The following NRP2 variants were observed in gnomAD, a reference collection of about 807,000 sequenced individuals.
The protein encoded by NRP2 is neuropilin-2.
NRP2 carries 52 observed loss-of-function variants against 110.4 expected under a neutral mutation model. That is an observed-to-expected ratio of 0.47 (90% CI 0.38 to 0.59). NRP2 has a LOEUF of 0.59. Among genes scored for constraint, NRP2 ranks in the 20% least tolerant of loss-of-function variants. NRP2 has a pLI of 0.00. For missense variants in NRP2, 1,049 were observed against 1,203.0 expected, an observed-to-expected ratio of 0.87 and a Z score of 1.89; for synonymous variants, 508 against 468.9, an observed-to-expected ratio of 1.08 and a Z score of -1.08.
chr2:205,697,523 G>A (rs774613755), intron 1 of NRP2, 21 bp from the exon 2 acceptor site: 1 of 1,609,108 alleles, frequency 6.2e-7, no homozygotes, highest in Non-Finnish European at 8.5e-7. Flanking sequence ...AAGTTCTTTG[G>A]GTCGTTGATT....
At chr2:205,683,452 C>G in intron 1 of NRP2, 89 bp downstream of exon 1, 1 of 872,764 alleles carries the variant, frequency 1.1e-6, no homozygotes, top group African/African-American at 1.7e-5. Context: ...CAGAACGGCA[C>G]AGAAGAAGGC....
chr2:205,791,231 G>C (rs2058298518), intron 15 of NRP2, among the ~76,000 whole-genome samples: 1 of 152,108 alleles, frequency 6.6e-6, no homozygotes, highest in Non-Finnish European at 1.5e-5. Context: ...TTTAAGCCTT[G>C]ATTTTTGGAT....
At position 205,763,856 on chromosome 2, in the gene NRP2, C is replaced by T; in HGVS notation, c.2227C>T (p.Leu743=). The part of the protein sequence containing the change: ...VREASQESKL[L]WVIREDQGGE... ...GGAAGCCAGCCAGGAGAGCAAGTTG[C>T]TGTGGGTCATCCGTGAGGACCAGGG... The change falls in exon 13 of 17, where the codon CTG becomes TTG. Residue 743 remains leucine (L), a synonymous_variant. Transcript: ENST00000357785. The surrounding 1 kb of genome is among the most constrained non-coding windows in gnomAD (Gnocchi z 4.0). 1 of 1,614,146 alleles carries T rather than the reference C, an allele frequency of 6.2e-7. No individual in the cohort carries two copies. Among genetic ancestry groups the T allele is most frequent in the Non-Finnish European group, 8.5e-7 (1 of 1,180,016 alleles).
chr2:205,684,737 G>T (rs1218731576), intron 1 of NRP2, among the ~76,000 whole-genome samples: 1 of 152,228 alleles, frequency 6.6e-6, no homozygotes, highest in Non-Finnish European at 1.5e-5. Context: ...CCCACTTGGG[G>T]AGATTTTCTG....
At chr2:205,731,395 T>C (rs3771031) in intron 7 of NRP2, among the ~76,000 whole-genome samples, 47,857 of 152,102 alleles carry the variant, frequency 0.31, 8,243 homozygotes, top group Middle Eastern at 0.44. Flanking sequence ...TGTACATACA[T>C]ACCAAGAAGG....
chr2:205,779,652 G>A (rs986474311), intron 15 of NRP2: 9 of 152,308 alleles, frequency 5.9e-5, no homozygotes, highest in Middle Eastern at 3.4e-3. Context: ...ACTTGTGGAC[G>A]TTGGAAATTA....
chr2:205,689,820 G>GAATA (rs1559303798), intron 1 of NRP2, among the ~76,000 whole-genome samples: 1 of 152,022 alleles, frequency 6.6e-6, no homozygotes, highest in Non-Finnish European at 1.5e-5. Flanking sequence ...TCTCCCGAAT[G>GAATA]TGTAATAACT....
chr2:205,688,205 G>A (rs915693154), intron 1 of NRP2, among the ~76,000 whole-genome samples: 2 of 152,182 alleles, frequency 1.3e-5, no homozygotes, highest in African/African-American at 2.4e-5. Context: ...TGTCATCTGG[G>A]CAATGGCTTG....
chr2:205,697,616 AC>A lies in NRP2; in HGVS notation c.150del (p.Ser51ProfsTer142), dbSNP rs756557150. The A allele has an allele frequency of 1.2e-6, 2 of 1,613,518 alleles. No homozygotes were observed. The highest frequency in any genetic ancestry group is 1.7e-6 in the Non-Finnish European group (2 of 1,179,834). On this transcript the variant is annotated frameshift_variant, in exon 2 of 17. Coordinates refer to ENST00000357785, the MANE Select transcript of NRP2 (RefSeq NM_003872.3). LOFTEE classifies it high-confidence loss of function. ...YITSPGYPQD[Y>X]PSHQNCEWIV... Reference sequence around the variant, plus strand: ...ACCTCTCCCGGTTACCCCCAGGACTACCCCTCCCACCAGAACTGCGAGTGGA... The same window carrying A: ...ACCTCTCCCGGTTACCCCCAGGACTACCCTCCCACCAGAACTGCGAGTGGA...
In NRP2 at chr2:205,727,957, C is replaced by T. The variant is rs1049527642; in HGVS notation, c.1057C>T (p.Gln353Ter). The change falls in exon 7 of 17, where the codon CAG becomes TAG. Residue 353 changes from glutamine to a stop codon, truncating the protein, a stop_gained. Coordinates refer to ENST00000357785, the MANE Select transcript of NRP2 (RefSeq NM_003872.3). LOFTEE classifies it high-confidence loss of function. The part of the protein sequence containing the change: ...ATQGAISRET[Q>*]NGYYVKSYKL... ...ACAGGGAGCGATTTCCAGGGAAACACAGAATGGCTACTATGTCAAATCCTA... is the reference window on the plus strand; with the variant it reads ...ACAGGGAGCGATTTCCAGGGAAACATAGAATGGCTACTATGTCAAATCCTA... 2 of 1,614,052 alleles carry T rather than the reference C, an allele frequency of 1.2e-6. No homozygotes were observed. Among genetic ancestry groups the T allele is most frequent in the Non-Finnish European group, 1.7e-6 (2 of 1,180,038 alleles).
intron 15 of NRP2, chr2:205,778,729 A>G (rs957538893): frequency 6.6e-6 from 1 of 152,202 alleles, no homozygotes; most frequent in African/African-American, 2.4e-5. Flanking sequence ...CCCCTTCTGT[A>G]ACAGAAGGTG....
chr2:205,701,814 CT>C (rs1371736295), intron 2 of NRP2, among the ~76,000 whole-genome samples: 1 of 152,076 alleles, frequency 6.6e-6, no homozygotes. Context: ...TCCAAGAGTT[CT>C]TTTTTAAAGG....
chr2:205,697,806 C>A (rs1396935334), intron 2 of NRP2, 85 bp downstream of exon 2: 9 of 1,333,774 alleles, frequency 6.7e-6, no homozygotes, highest in Non-Finnish European at 9.7e-6. Flanking sequence ...ACTTCTATCA[C>A]CCCTCACCCC....
At chr2:205,760,447 C>A (rs1417871741) in intron 12 of NRP2, among the ~76,000 whole-genome samples, 1 of 152,146 alleles carries the variant, frequency 6.6e-6, no homozygotes, top group African/African-American at 2.4e-5. Context: ...GAGGCCTGCT[C>A]GTCTGGAGAT....
chr2:205,737,405 C>T (rs893944919), intron 7 of NRP2, among the ~76,000 whole-genome samples: 4 of 152,228 alleles, frequency 2.6e-5, no homozygotes, highest in African/African-American at 9.6e-5. Context: ...ACAATCCCCT[C>T]ATTTAACAGA....
chr2:205,733,796 G>A (rs1050637875), intron 7 of NRP2, among the ~76,000 whole-genome samples: 2 of 151,358 alleles, frequency 1.3e-5, no homozygotes, highest in Admixed American at 6.6e-5. Flanking sequence ...CTCTTCTCCA[G>A]CCCCACCCCT....
chr2:205,733,297 C>A (rs576267870), intron 7 of NRP2, among the ~76,000 whole-genome samples: 2 of 152,248 alleles, frequency 1.3e-5, no homozygotes, highest in African/African-American at 2.4e-5. Flanking sequence ...GCCTCCCTGG[C>A]GCTGATAGCC....
At chr2:205,723,995 T>A in intron 5 of NRP2, 55 bp downstream of exon 5, 1 of 1,599,628 alleles carries the variant, frequency 6.3e-7, no homozygotes. Flanking sequence ...GCTGTGAGGG[T>A]GTACAGGTGA....
intron 15 of NRP2, among the ~76,000 whole-genome samples, chr2:205,771,480 C>T (rs2058022834): frequency 1.3e-5 from 2 of 152,208 alleles, no homozygotes; most frequent in Non-Finnish European, 2.9e-5. Flanking sequence ...AGTCCTAAAA[C>T]AATTCTGACA....
Sources: allele counts gnomAD v4.1 joint callset (sites outside exome capture counted in the v4.1 genomes callset), GRCh38; gene constraint gnomAD v4.1.1; non-coding constraint Gnocchi (gnomAD v3.1); transcripts MANE v1.5; gene names NCBI Gene and HGNC (gene_info 2026-07-23, HGNC 2026-07-21).